MROH2B: variants seen among roughly 807,000 people sequenced by gnomAD.
The protein encoded by MROH2B is maestro heat like repeat family member 2B.
Under a neutral mutation model 208.6 loss-of-function variants are expected in MROH2B, and 177 were observed. That is an observed-to-expected ratio of 0.85 (90% confidence interval 0.75 to 0.96). The LOEUF is 0.96. MROH2B is among the 40% of genes least tolerant of loss of function. The pLI, the probability that MROH2B is intolerant of heterozygous loss-of-function variation, is 0.00. For missense variants in MROH2B, 2,002 were observed against 1,878.7 expected (o/e 1.07, Z -1.21); for synonymous variants, 728 against 659.0 (o/e 1.10, Z -1.60).
intron 11 of MROH2B, among the ~76,000 whole-genome samples, chr5:41,054,035 A>G (rs1198957303): frequency 1.3e-5 from 2 of 151,942 alleles, no homozygotes; most frequent in Non-Finnish European, 2.9e-5. Context: ...GCTGGAGTGC[A>G]GTGGTGCAGT....
rs1164953989 is a variant in MROH2B, at chr5:41,061,561, C to G, written c.615+9G>C. 6.2e-7 allele frequency: 1 copy of G among 1,600,518 alleles called. No individual in the cohort carries two copies. The highest frequency in any genetic ancestry group is 1.1e-5 in the South Asian group (1 of 88,332). On this transcript the variant is annotated intron_variant, in intron 6 of 41. Coordinates refer to ENST00000399564, the MANE Select transcript of MROH2B (RefSeq NM_173489.5). ...ACATCCAGCTTGAGGCATCCTGAGG[C>G]CCACTCACCTGCATGGGTGAGGCCA... is the stretch of plus-strand genomic sequence containing the variant.
rs532413093 is a variant in MROH2B at position 41,005,744 on chromosome 5, T to A, written c.3750-99A>T. ...GGCAAGTAATTTGTCTAAAAAGGAA[T>A]GCTTGGCTGGGGGTGGTGGCTCATG... On this transcript the variant is annotated intron_variant, in intron 34 of 41. Transcript: ENST00000399564. The A allele has an allele frequency of 1.8e-4, 187 of 1,037,428 alleles. 3 individuals carry two copies. The East Asian group carries it at 4.8e-3, about 26-fold the overall frequency. The allele number at this position is 1,037,428 out of a possible 1,614,324, so 64.3% of individuals were successfully genotyped here.
chr5:41,028,339 C>G (rs908657643), intron 24 of MROH2B, among the ~76,000 whole-genome samples: 1 of 152,278 alleles, frequency 6.6e-6, no homozygotes, highest in Middle Eastern at 3.4e-3. Flanking sequence ...ACTCACTTAG[C>G]AAAATCCTTA....
At position 41,012,829 on chromosome 5, in the gene MROH2B, G is replaced by C. The variant is rs1188283732; in HGVS notation, c.2983-94C>G. On this transcript the variant is annotated intron_variant, in intron 29 of 41. Coordinates refer to ENST00000399564, the MANE Select transcript of MROH2B (RefSeq NM_173489.5). ...CTGTTGTGGTTTGTTTTGGGTATTA[G>C]AAACCACTGAACTTTTCAACAGTTT... The C allele has an allele frequency of 5.4e-6, 8 of 1,474,926 alleles. No individual in the cohort carries two copies. The African/African-American group carries it at 1.1e-4, about 21-fold the overall frequency. The allele number at this position is 1,474,926 out of a possible 1,614,324, so 91.4% of individuals were successfully genotyped here.
intron 30 of MROH2B, among the ~76,000 whole-genome samples, chr5:41,011,902 A>T (rs551858427): frequency 2.0e-5 from 3 of 152,288 alleles, no homozygotes; most frequent in Admixed American, 1.3e-4. Flanking sequence ...TCCTGTCCTC[A>T]AGTGATCCAC....
At chr5:41,031,419 G>A (rs1311024140) in intron 24 of MROH2B, among the ~76,000 whole-genome samples, 2 of 152,018 alleles carry the variant, frequency 1.3e-5, no homozygotes, top group Non-Finnish European at 2.9e-5. Flanking sequence ...TCAACATTTG[G>A]GGATTACAAT....
intron 27 of MROH2B, 46 bp from the exon 28 acceptor site, chr5:41,018,016 A>G: frequency 6.5e-7 from 1 of 1,547,274 alleles, no homozygotes; most frequent in Non-Finnish European, 8.7e-7. Flanking sequence ...TAGCTTGGTC[A>G]TATCCCAGGA....
Position 41,000,709 on chromosome 5 carries a change from T to G in MROH2B, c.4319A>C (p.His1440Pro), listed in dbSNP as rs1406564013. Residue 1440 changes from histidine (H) to proline (P), a missense_variant, in exon 38 of 42, where the codon CAC becomes CCC. Physicochemically the swap from His to Pro is moderately conservative, Grantham distance 77. Transcript: ENST00000399564. ...IKKSLISFLL[H>P]LWDPNPKIGV... ...AATCTTGGGGTTGGGATCCCAAAGG[T>G]GCAGAAGGAATGAAATCAGGCTCTT... The G allele has an allele frequency of 1.2e-6, 2 of 1,612,616 alleles. No homozygotes were observed.
In MROH2B at chr5:41,005,516, G is replaced by A; in HGVS notation, c.3864+15C>T. The A allele has an allele frequency of 2.6e-6, 4 of 1,568,124 alleles. No individual in the cohort carries two copies. Among genetic ancestry groups the A allele is most frequent in the Non-Finnish European group, 3.5e-6 (4 of 1,152,334 alleles). ...GGGACCCAGTGAGTGTGCTCTGAGG[G>A]CTGTTCTCCCTTGCCTCAGAGAAGA... On this transcript the variant is annotated intron_variant, in intron 35 of 41. Transcript: ENST00000399564.
At chr5:41,051,129 C>T in intron 12 of MROH2B, 39 bp from the exon 13 acceptor site, 5 of 1,372,900 alleles carry the variant, frequency 3.6e-6, no homozygotes, top group Non-Finnish European at 4.8e-6. Context: ...TTAATGACTC[C>T]TAAGGTTGGT....
At position 41,055,767 on chromosome 5, in the gene MROH2B, C is replaced by G. The variant is rs201661227; in HGVS notation, c.1008G>C (p.Leu336Phe). 2 of 1,613,800 alleles carry G rather than the reference C, an allele frequency of 1.2e-6. No homozygotes were observed. The highest frequency in any genetic ancestry group is 1.7e-6 in the Non-Finnish European group (2 of 1,179,794). Residue 336 changes from leucine to phenylalanine, a missense_variant, in exon 10 of 42, where the codon TTG (leucine) becomes TTC (phenylalanine). Transcript: ENST00000399564. The stretch of plus-strand genomic sequence containing the variant: ...CATCAGCATTGACAGCCAATCTTAA[C>G]AAAGTCAAGATTCCCACTCGAATGG... The part of the protein sequence containing the change: ...NEAIRVGILT[L>F]LRLAVNADEP...
rs115165394 is a variant in MROH2B at position 41,055,156 on chromosome 5, G to A, written c.1034-316C>T. On this transcript the variant is annotated intron_variant, in intron 10 of 41. Coordinates refer to ENST00000399564, the MANE Select transcript of MROH2B (RefSeq NM_173489.5). ...TTCATATTCATCTGCTGATTCTTCA[G>A]TAAATCAAAGTGCTAACTGAATGTT... 3.7e-3 allele frequency among the ~76,000 whole-genome samples: 556 copies of A among 152,234 alleles called. 3 individuals carry two copies. The highest frequency in any genetic ancestry group is 0.013 in the African/African-American group (538 of 41,538).
rs912064237 is a variant in MROH2B, at chr5:41,032,728, T to G, written c.2441+14A>C. The G allele has an allele frequency of 1.2e-6, 2 of 1,607,298 alleles. No homozygotes were observed. The highest frequency in any genetic ancestry group is 2.7e-5 in the African/African-American group (2 of 74,754). ...AAAATACTTTTTCAATGAAAACAAC[T>G]AAAAATTATCTACCTGAGATACCTA... On this transcript the variant is annotated intron_variant, in intron 24 of 41. Transcript: ENST00000399564.
intron 18 of MROH2B, among the ~76,000 whole-genome samples, chr5:41,043,985 A>G (rs1743038589): frequency 1.3e-5 from 2 of 151,832 alleles, no homozygotes; most frequent in South Asian, 2.1e-4. Flanking sequence ...CATGCCTGTA[A>G]TCCTAGCACT....
chr5:41,050,379 A>G lies in MROH2B; in HGVS notation c.1344+598T>C, dbSNP rs993754331. 2.6e-5 allele frequency among the ~76,000 whole-genome samples: 4 copies of G among 152,140 alleles called. No individual in the cohort carries two copies. The South Asian group carries it at 6.2e-4, about 24-fold the overall frequency. ...AATATTGGAACTTAGTTGATTGTAG[A>G]CTTTTGGTCTCTATGTCCAGTTTTG... On this transcript the variant is annotated intron_variant, in intron 13 of 41. Coordinates refer to ENST00000399564, the MANE Select transcript of MROH2B (RefSeq NM_173489.5).
At chr5:41,057,388 T>C in intron 7 of MROH2B, 28 bp from the exon 8 acceptor site, 1 of 1,525,742 alleles carries the variant, frequency 6.6e-7, no homozygotes, top group East Asian at 2.4e-5. Flanking sequence ...ACAGGTTAGT[T>C]GGAGGCTGCC....
chr5:41,065,182 T>C (rs1743763524), intron 4 of MROH2B, 149 bp downstream of exon 4: 1 of 878,430 alleles, frequency 1.1e-6, no homozygotes, highest in Non-Finnish European at 1.7e-6. Context: ...CATGCTCATT[T>C]TAAACAGCTG....
chr5:41,013,476 C>G (rs1260999090), intron 29 of MROH2B, among the ~76,000 whole-genome samples: 1 of 152,112 alleles, frequency 6.6e-6, no homozygotes, highest in African/African-American at 2.4e-5. Context: ...TTTAACTAAG[C>G]AAGATGGTAA....
At chr5:41,027,594 C>T (rs1286819835) in intron 24 of MROH2B, among the ~76,000 whole-genome samples, 5 of 152,058 alleles carry the variant, frequency 3.3e-5, no homozygotes, top group Non-Finnish European at 5.9e-5. Flanking sequence ...GTTGGTGGGA[C>T]GTAAAGTAGT....
Sources: gnomAD v4.1 joint callset for allele counts (sites outside exome capture counted in the v4.1 genomes callset) on GRCh38, gnomAD v4.1.1 for gene constraint, MANE v1.5 for transcripts, NCBI Gene and HGNC (gene_info 2026-07-23, HGNC 2026-07-21) for gene names.